Variants in DISC1 observed in about 807,000 individuals in gnomAD.
The protein encoded by DISC1 is DISC1 scaffold protein.
In DISC1, 57 loss-of-function variants were observed where a neutral mutation model predicts 84.5. The observed-to-expected ratio is 0.67, with a 90% CI of 0.55 to 0.84. The LOEUF (loss-of-function observed/expected upper bound fraction) is 0.84. Among genes scored for constraint, DISC1 ranks in the 40% least tolerant of loss-of-function variants. DISC1 has a pLI of 0.00. For missense variants in DISC1, 1,000 were observed against 1,057.8 expected (o/e 0.95, Z 0.76); for synonymous variants, 411 against 415.2 (o/e 0.99, Z 0.12).
At chr1:231,918,820 G>T (rs1391463515) in intron 9 of DISC1, among the ~76,000 whole-genome samples, 2 of 152,176 alleles carry the variant, frequency 1.3e-5, no homozygotes, top group Non-Finnish European at 2.9e-5. Context: ...CAAAGGCAAA[G>T]TTTCATACCT....
chr1:231,896,810 C>T (rs376878162), intron 9 of DISC1, among the ~76,000 whole-genome samples: 1 of 152,278 alleles, frequency 6.6e-6, no homozygotes, highest in South Asian at 2.1e-4. Flanking sequence ...AAATATTATA[C>T]CTGTGAAATA....
intron 10 of DISC1, among the ~76,000 whole-genome samples, chr1:231,965,278 T>C (rs1321098984): frequency 6.6e-6 from 1 of 152,250 alleles, no homozygotes; most frequent in Non-Finnish European, 1.5e-5. Context: ...GTTAGATGCA[T>C]GTATTCCTGT....
At chr1:232,010,121 G>A (rs1667897769) in intron 11 of DISC1, among the ~76,000 whole-genome samples, 1 of 152,160 alleles carries the variant, frequency 6.6e-6, no homozygotes, top group Non-Finnish European at 1.5e-5. Context: ...TTATAAGAAA[G>A]CAACCACTGT....
At chr1:231,756,168 A>G (rs1160506081) in intron 4 of DISC1, among the ~76,000 whole-genome samples, 8 of 152,214 alleles carry the variant, frequency 5.3e-5, no homozygotes, top group Admixed American at 2.0e-4. Flanking sequence ...GATCTTGCTC[A>G]TGCCCCATTG....
intron 3 of DISC1, among the ~76,000 whole-genome samples, chr1:231,737,808 G>A (rs918863028): frequency 4.6e-5 from 7 of 152,152 alleles, no homozygotes; most frequent in Non-Finnish European, 8.8e-5. Context: ...GGATACATAC[G>A]CCCGTTATCA....
chr1:231,988,959 G>T (rs1482220220), intron 10 of DISC1, among the ~76,000 whole-genome samples: 2 of 152,182 alleles, frequency 1.3e-5, no homozygotes, highest in Non-Finnish European at 2.9e-5. Context: ...CATTGACCAG[G>T]TCTTCACCTT....
At chr1:231,989,396 A>C (rs1305308940) in intron 10 of DISC1, among the ~76,000 whole-genome samples, 1 of 152,226 alleles carries the variant, frequency 6.6e-6, no homozygotes, top group Non-Finnish European at 1.5e-5. Context: ...AAAACCCTTT[A>C]AGAAATCTGT....
At chr1:231,650,495 T>G (rs2060521103) in intron 1 of DISC1, among the ~76,000 whole-genome samples, 1 of 152,204 alleles carries the variant, frequency 6.6e-6, no homozygotes, top group Non-Finnish European at 1.5e-5. Flanking sequence ...GCACTTAACA[T>G]TTTTTCCTTC....
intron 11 of DISC1, among the ~76,000 whole-genome samples, chr1:232,017,792 C>G (rs897966231): frequency 1.3e-5 from 2 of 152,206 alleles, no homozygotes; most frequent in Non-Finnish European, 2.9e-5. Flanking sequence ...TAAAGGGTAA[C>G]TGCCTGTTTT....
At chr1:231,809,901 G>C (rs2080124156) in intron 8 of DISC1, among the ~76,000 whole-genome samples, 1 of 152,098 alleles carries the variant, frequency 6.6e-6, no homozygotes, top group South Asian at 2.1e-4. Flanking sequence ...AAATTAAATT[G>C]ACCATGTCAA....
chr1:231,812,037 G>C (rs547972176), intron 8 of DISC1, among the ~76,000 whole-genome samples: 2 of 152,232 alleles, frequency 1.3e-5, no homozygotes, highest in South Asian at 4.1e-4. Context: ...AAATGCCCCA[G>C]GTGCTATGAA....
chr1:231,757,762 G>C (rs899054205), intron 4 of DISC1, among the ~76,000 whole-genome samples: 3 of 152,142 alleles, frequency 2.0e-5, no homozygotes, highest in Admixed American at 6.5e-5. Context: ...GACCCTCTCT[G>C]CCCTGCTAGG....
rs531911822 is a variant in DISC1 at position 231,873,085 on chromosome 1, C to G, written c.1981+54568C>G. 1.1e-4 allele frequency among the ~76,000 whole-genome samples: 17 copies of G among 152,324 alleles called. 1 individual carries two copies. Among genetic ancestry groups the G allele is most frequent in the African/African-American group, 3.6e-4 (15 of 41,576 alleles). The stretch of plus-strand genomic sequence containing the variant: ...AGGCCTGATGTCCTTTCTGTGCAGC[C>G]CTGCAAGGGCCTTCACCTCCAGGGC... On this transcript the variant is annotated intron_variant, in intron 9 of 12. Transcript: ENST00000439617.
chr1:231,759,642 G>C (rs1454348358), intron 4 of DISC1, among the ~76,000 whole-genome samples: 2 of 152,006 alleles, frequency 1.3e-5, no homozygotes, highest in Non-Finnish European at 2.9e-5. Flanking sequence ...GGAATTTGGG[G>C]CTGTAGCAAG....
At chr1:231,895,267 C>G (rs1269241051) in intron 9 of DISC1, among the ~76,000 whole-genome samples, 2 of 151,400 alleles carry the variant, frequency 1.3e-5, no homozygotes, top group African/African-American at 4.8e-5. Flanking sequence ...CAATATTATT[C>G]CACTTTATGT....
intron 9 of DISC1, among the ~76,000 whole-genome samples, chr1:231,945,770 A>T (rs1414729357): frequency 3.3e-5 from 5 of 152,236 alleles, no homozygotes; most frequent in South Asian, 2.1e-4. Context: ...ATAAAAAATG[A>T]TAAAGGGGAT....
At chr1:231,976,553 G>A (rs1311732635) in intron 10 of DISC1, among the ~76,000 whole-genome samples, 1 of 152,188 alleles carries the variant, frequency 6.6e-6, no homozygotes, top group East Asian at 1.9e-4. Context: ...CAAACAAGGA[G>A]CATAGACACT....
chr1:231,735,258 T>A (rs1327596693), intron 3 of DISC1, among the ~76,000 whole-genome samples: 1 of 152,218 alleles, frequency 6.6e-6, no homozygotes, highest in Non-Finnish European at 1.5e-5. Context: ...AAATATTTCC[T>A]GTTTTCCTAA....
At chr1:231,976,344 C>T (rs1353703974) in intron 10 of DISC1, among the ~76,000 whole-genome samples, 1 of 152,150 alleles carries the variant, frequency 6.6e-6, no homozygotes, top group African/African-American at 2.4e-5. Context: ...CTGTTGCCAC[C>T]ACTGAGCAGA....
Sources: allele counts gnomAD v4.1 joint callset (sites outside exome capture counted in the v4.1 genomes callset), GRCh38; gene constraint gnomAD v4.1.1; transcripts MANE v1.5; gene names NCBI Gene and HGNC (gene_info 2026-07-23, HGNC 2026-07-21).